The following SV2C variants were observed in gnomAD, a reference collection of about 807,000 sequenced individuals.
SV2C encodes synaptic vesicle glycoprotein 2C.
Under a neutral mutation model 79.7 loss-of-function variants are expected in SV2C, and 49 were observed. The observed-to-expected ratio is 0.61, with a 90% CI of 0.49 to 0.78. SV2C has a LOEUF of 0.78. SV2C is among the 30% of genes least tolerant of loss of function. The probability of loss-of-function intolerance (pLI) is 0.00; values close to 1 mark genes in which losing one functional copy is unlikely to be tolerated. For synonymous variants in SV2C, 334 were observed against 333.2 expected (o/e 1.00, Z -0.03); for missense variants, 833 against 912.9 (o/e 0.91, Z 1.13).
the SV2C span, among the ~76,000 whole-genome samples, chr5:75,881,626 G>C: frequency 6.6e-6 from 1 of 152,092 alleles, no homozygotes; most frequent in Non-Finnish European, 1.5e-5. Context: ...AAGAATGCTT[G>C]TGATTTTCGT....
chr5:75,901,878 A>G, the SV2C span, among the ~76,000 whole-genome samples: 2 of 152,244 alleles, frequency 1.3e-5, no homozygotes, highest in Non-Finnish European at 2.9e-5. Flanking sequence ...CCGTGGGCAT[A>G]GGACCTTCCA....
At chr5:76,115,297 G>A (rs1315719581) in intron 1 of SV2C, among the ~76,000 whole-genome samples, 2 of 152,198 alleles carry the variant, frequency 1.3e-5, no homozygotes, top group Non-Finnish European at 2.9e-5. Flanking sequence ...TGCAAGATAG[G>A]AATATCTAAT....
At chr5:76,238,053 CACACACACACACAT>C (rs201649211) in intron 4 of SV2C, among the ~76,000 whole-genome samples, 43,842 of 133,870 alleles carry the variant, frequency 0.33, 6,936 homozygotes, top group Non-Finnish European at 0.36. Context: ...CACACACACA[CACACACACACACAT>C]ATATATACCT....
At chr5:76,339,038 G>C (rs1419502926) in intron 12 of SV2C, among the ~76,000 whole-genome samples, 1 of 152,076 alleles carries the variant, frequency 6.6e-6, no homozygotes, top group East Asian at 1.9e-4. Context: ...CAGACACTGT[G>C]TCACCATTGC....
At chr5:76,334,833 C>G (rs562037896), downstream of SV2C, among the ~76,000 whole-genome samples, 37 of 152,130 alleles carry the variant, frequency 2.4e-4, no homozygotes, top group Non-Finnish European at 4.9e-4. Context: ...CAAGAGTCAC[C>G]TCTCCCCCTA....
the SV2C span, among the ~76,000 whole-genome samples, chr5:76,077,806 G>A: frequency 3.9e-5 from 6 of 152,164 alleles, no homozygotes; most frequent in Non-Finnish European, 7.4e-5. Flanking sequence ...ATGTGGATCT[G>A]GGTGTAGGCT....
the SV2C span, among the ~76,000 whole-genome samples, chr5:75,945,145 A>G: frequency 2.6e-5 from 4 of 152,270 alleles, no homozygotes; most frequent in South Asian, 8.3e-4. Context: ...TAAAATGGGT[A>G]AGAAGATACA....
chr5:76,313,843 T>C (rs1381564150), intron 12 of SV2C, among the ~76,000 whole-genome samples: 1 of 152,164 alleles, frequency 6.6e-6, no homozygotes, highest in Non-Finnish European at 1.5e-5. Flanking sequence ...AGCACTCACA[T>C]CATCAGTGAA....
chr5:76,017,608 C>T, the SV2C span, among the ~76,000 whole-genome samples: 1 of 152,152 alleles, frequency 6.6e-6, no homozygotes, highest in Non-Finnish European at 1.5e-5. Context: ...GGCATTTTAG[C>T]ATTTCCTCAT....
chr5:76,046,521 T>G, the SV2C span, among the ~76,000 whole-genome samples: 3 of 152,212 alleles, frequency 2.0e-5, no homozygotes, highest in African/African-American at 7.2e-5. Flanking sequence ...CACGATTGTG[T>G]AAAGGTCTTA....
At chr5:76,148,170 G>T (rs1011633883) in intron 2 of SV2C, among the ~76,000 whole-genome samples, 5 of 152,144 alleles carry the variant, frequency 3.3e-5, no homozygotes. Context: ...GGAAGAGTGG[G>T]CTAAGGACAC....
chr5:76,133,006 C>A (rs939190068), intron 2 of SV2C, among the ~76,000 whole-genome samples: 1 of 151,688 alleles, frequency 6.6e-6, no homozygotes, highest in African/African-American at 2.4e-5. Context: ...AATAATATAA[C>A]CTCTCTATAA....
At chr5:75,893,660 T>G in the SV2C span, among the ~76,000 whole-genome samples, 1 of 152,066 alleles carries the variant, frequency 6.6e-6, no homozygotes. Flanking sequence ...ACCATCTGGG[T>G]GATGGGTTTA....
intron 4 of SV2C, among the ~76,000 whole-genome samples, chr5:76,235,173 A>G (rs1278691833): frequency 2.5e-5 from 2 of 80,228 alleles, no homozygotes; most frequent in African/African-American, 1.3e-4. Context: ...ATCCATGGAG[A>G]AAAGGGCAAA....
chr5:75,864,308 C>G, the SV2C span, among the ~76,000 whole-genome samples: 5 of 139,144 alleles, frequency 3.6e-5, no homozygotes, highest in African/African-American at 1.1e-4. Flanking sequence ...TGTCCAGTGC[C>G]ACTCCATCCA....
At chr5:75,916,659 G>A in the SV2C span, among the ~76,000 whole-genome samples, 2 of 152,088 alleles carry the variant, frequency 1.3e-5, no homozygotes, top group Non-Finnish European at 2.9e-5. Flanking sequence ...ATTTTTAGTA[G>A]AGACGGGGTT....
At chr5:76,103,139 T>C (rs1276930369) in intron 1 of SV2C, among the ~76,000 whole-genome samples, 1 of 152,142 alleles carries the variant, frequency 6.6e-6, no homozygotes, top group Non-Finnish European at 1.5e-5. Context: ...CTGAAATATT[T>C]AGTATTTTGT....
At chr5:76,352,788 A>G (rs927183252) in intron 12 of SV2C, among the ~76,000 whole-genome samples, 8 of 152,156 alleles carry the variant, frequency 5.3e-5, no homozygotes, top group African/African-American at 1.9e-4. Context: ...CACAATTTTA[A>G]TCAGCATAAA....
intron 1 of SV2C, among the ~76,000 whole-genome samples, chr5:76,088,193 G>C (rs1255695503): frequency 6.6e-6 from 1 of 152,172 alleles, no homozygotes; most frequent in East Asian, 1.9e-4. Context: ...CTAAGCCTCT[G>C]TTATGAGGTT....
Sources: gnomAD v4.1 joint callset for allele counts (sites outside exome capture counted in the v4.1 genomes callset) on GRCh38, gnomAD v4.1.1 for gene constraint, MANE v1.5 for transcripts, NCBI Gene and HGNC (gene_info 2026-07-23, HGNC 2026-07-21) for gene names.